Variants in SHISA9 observed in about 807,000 individuals in gnomAD.
SHISA9 encodes protein shisa-9.
Under a neutral mutation model 38.0 loss-of-function variants are expected in SHISA9, and 13 were observed. That is an observed-to-expected ratio of 0.34 (90% CI 0.22 to 0.54). The LOEUF is 0.54. Among genes scored for constraint, SHISA9 ranks in the 20% least tolerant of loss-of-function variants. The probability of loss-of-function intolerance (pLI) is 0.91; values close to 1 mark genes in which losing one functional copy is unlikely to be tolerated. For missense variants in SHISA9, 538 were observed against 575.8 expected, an observed-to-expected ratio of 0.93 and a Z score of 0.67; for synonymous variants, 275 against 242.0, an observed-to-expected ratio of 1.14 and a Z score of -1.27.
the SHISA9 span, among the ~76,000 whole-genome samples, chr16:13,462,840 T>G: frequency 6.6e-6 from 1 of 151,944 alleles, no homozygotes; most frequent in South Asian, 2.1e-4. Context: ...CGGGCGCCAG[T>G]AATCCTAGCT....
At chr16:12,944,079 C>A (rs1013314291) in intron 2 of SHISA9, among the ~76,000 whole-genome samples, 4 of 152,114 alleles carry the variant, frequency 2.6e-5, no homozygotes, top group African/African-American at 9.7e-5. Context: ...TCGCTTCCCA[C>A]CCAGTTATGA....
chr16:13,166,673 T>C (rs2050638800), intron 2 of SHISA9, among the ~76,000 whole-genome samples: 1 of 151,984 alleles, frequency 6.6e-6, no homozygotes, highest in Non-Finnish European at 1.5e-5. Context: ...CCCTAATGCC[T>C]CCCCCAAATG....
At chr16:13,535,703 C>T in the SHISA9 span, among the ~76,000 whole-genome samples, 1 of 150,854 alleles carries the variant, frequency 6.6e-6, no homozygotes, top group South Asian at 2.1e-4. Context: ...CTTTCCTGGC[C>T]TCCTTCTTGG....
chr16:13,125,056 G>A (rs1343085105), intron 2 of SHISA9, among the ~76,000 whole-genome samples: 2 of 152,064 alleles, frequency 1.3e-5, no homozygotes, highest in Non-Finnish European at 2.9e-5. Flanking sequence ...GTTGAAGTGG[G>A]CAAAGATTTC....
At chr16:13,260,304 C>G in the SHISA9 span, among the ~76,000 whole-genome samples, 1 of 152,042 alleles carries the variant, frequency 6.6e-6, no homozygotes, top group Non-Finnish European at 1.5e-5. Flanking sequence ...GCATGAGCCA[C>G]CGCGCCTGGC....
At chr16:13,110,066 A>G (rs1213514915) in intron 2 of SHISA9, among the ~76,000 whole-genome samples, 4 of 152,112 alleles carry the variant, frequency 2.6e-5, no homozygotes, top group Non-Finnish European at 5.9e-5. Context: ...TCAACTTTTC[A>G]AGAAAGGAAT....
chr16:13,481,485 T>C, the SHISA9 span, among the ~76,000 whole-genome samples: 123,875 of 152,198 alleles, frequency 0.81, 50,604 homozygotes, highest in East Asian at 0.96. Context: ...TCCTCAACCA[T>C]GCTGTAGAGG....
At chr16:13,290,397 G>A in the SHISA9 span, among the ~76,000 whole-genome samples, 3 of 151,966 alleles carry the variant, frequency 2.0e-5, no homozygotes, top group Non-Finnish European at 4.4e-5. Context: ...TAGCCAAGAT[G>A]AGCACACCGA....
chr16:13,373,345 A>T, the SHISA9 span, among the ~76,000 whole-genome samples: 1 of 152,166 alleles, frequency 6.6e-6, no homozygotes, highest in Admixed American at 6.5e-5. Flanking sequence ...AGAAAAAACA[A>T]ACTAGTGTTC....
the SHISA9 span, among the ~76,000 whole-genome samples, chr16:13,336,708 G>A: frequency 1.3e-3 from 192 of 152,274 alleles, no homozygotes; most frequent in Non-Finnish European, 2.5e-3. Context: ...TGGGTAAGGG[G>A]AGGTGGCATA....
chr16:13,031,517 A>G (rs899367160), intron 2 of SHISA9, among the ~76,000 whole-genome samples: 1 of 152,210 alleles, frequency 6.6e-6, no homozygotes, highest in Non-Finnish European at 1.5e-5. Context: ...CTGAGACTTA[A>G]CAAGTAGGCA....
Position 13,001,648 on chromosome 16 carries a change from G to A in SHISA9, c.691+84833G>A, listed in dbSNP as rs544983548. ...TCTTGATATGCAATGTTATACTCATGTATATGCAATGTTTAACTCAAACTC... is the reference window on the plus strand; with the variant it reads ...TCTTGATATGCAATGTTATACTCATATATATGCAATGTTTAACTCAAACTC... On this transcript the variant is annotated intron_variant, in intron 2 of 4. Coordinates refer to ENST00000558583, the MANE Select transcript of SHISA9 (RefSeq NM_001145204.3). 3.3e-5 allele frequency among the ~76,000 whole-genome samples: 5 copies of A among 152,308 alleles called. No homozygotes were observed. The South Asian group carries it at 1.0e-3, about 32-fold the overall frequency.
chr16:12,939,471 A>C (rs1055854627), intron 2 of SHISA9, among the ~76,000 whole-genome samples: 14 of 152,342 alleles, frequency 9.2e-5, no homozygotes, highest in African/African-American at 2.9e-4. Flanking sequence ...CCTTGTGTGC[A>C]CTGGTCACAA....
intron 2 of SHISA9, among the ~76,000 whole-genome samples, chr16:13,088,980 G>A (rs1054639657): frequency 2.3e-4 from 35 of 152,116 alleles, no homozygotes; most frequent in Middle Eastern, 3.2e-3. Context: ...TTTGAGATAC[G>A]TTCCATCAGT....
At chr16:13,560,946 C>T in the SHISA9 span, among the ~76,000 whole-genome samples, 1 of 152,110 alleles carries the variant, frequency 6.6e-6, no homozygotes, top group Non-Finnish European at 1.5e-5. Flanking sequence ...TCACTGCAAC[C>T]TCCACCTCCA....
the SHISA9 span, among the ~76,000 whole-genome samples, chr16:13,328,474 G>A: frequency 1.4e-5 from 2 of 147,008 alleles, no homozygotes; most frequent in South Asian, 2.1e-4. Context: ...ATGCAATGGC[G>A]TGATCTTGGC....
chr16:12,980,726 C>T (rs928316487), intron 2 of SHISA9, among the ~76,000 whole-genome samples: 6 of 151,734 alleles, frequency 4.0e-5, no homozygotes, highest in African/African-American at 1.5e-4. Flanking sequence ...ATATAATTTA[C>T]CTTTAATTTT....
chr16:13,441,454 G>A, the SHISA9 span, among the ~76,000 whole-genome samples: 1 of 152,220 alleles, frequency 6.6e-6, no homozygotes, highest in Non-Finnish European at 1.5e-5. Context: ...TCCAAGAGTG[G>A]CCAACCTAGA....
the SHISA9 span, among the ~76,000 whole-genome samples, chr16:13,431,673 C>G: frequency 6.6e-6 from 1 of 152,236 alleles, no homozygotes; most frequent in Non-Finnish European, 1.5e-5. Context: ...ACAGTAGCTT[C>G]TGGACTGACT....
Sources: gnomAD v4.1 joint callset for allele counts (sites outside exome capture counted in the v4.1 genomes callset) on GRCh38, gnomAD v4.1.1 for gene constraint, MANE v1.5 for transcripts, NCBI Gene and HGNC (gene_info 2026-07-23, HGNC 2026-07-21) for gene names.